Variants in GABBR2 observed in about 807,000 individuals in gnomAD.
GABBR2 encodes the protein G-protein coupled receptor 51.
A neutral mutation model predicts 105.6 loss-of-function variants in GABBR2; 23 were observed. That is an observed-to-expected ratio of 0.22 (90% CI 0.16 to 0.31). The LOEUF is 0.31. Among genes scored for constraint, GABBR2 ranks in the 10% least tolerant of loss-of-function variants. GABBR2 has a pLI of 1.00. For missense variants in GABBR2, 734 were observed against 1,245.5 expected, an observed-to-expected ratio of 0.59 and a Z score of 6.18; for synonymous variants, 478 against 499.7, an observed-to-expected ratio of 0.96 and a Z score of 0.58.
At chr9:98,291,984 C>A (rs894740905) in intron 18 of GABBR2, among the ~76,000 whole-genome samples, 1 of 152,238 alleles carries the variant, frequency 6.6e-6, no homozygotes, top group Non-Finnish European at 1.5e-5. Flanking sequence ...AAGGGAGCTG[C>A]CCTCTGACTC....
intron 1 of GABBR2, among the ~76,000 whole-genome samples, chr9:98,652,190 TC>T (rs1315339109): frequency 2.6e-5 from 4 of 152,184 alleles, no homozygotes; most frequent in Non-Finnish European, 5.9e-5. Flanking sequence ...CTGGCACTGT[TC>T]CTGAGATGAT....
intron 3 of GABBR2, among the ~76,000 whole-genome samples, chr9:98,504,940 C>T (rs905657351): frequency 4.6e-5 from 7 of 152,182 alleles, no homozygotes; most frequent in Non-Finnish European, 7.3e-5. Flanking sequence ...AAAAATTAGC[C>T]TGGAGAGGTG....
intron 7 of GABBR2, among the ~76,000 whole-genome samples, chr9:98,415,782 G>A (rs990148169): frequency 4.6e-5 from 7 of 152,124 alleles, no homozygotes; most frequent in Admixed American, 3.3e-4. Flanking sequence ...CTTTGCCTAG[G>A]GTCACATAAC....
At chr9:98,307,594 G>A (rs1830571486) in intron 14 of GABBR2, among the ~76,000 whole-genome samples, 1 of 152,176 alleles carries the variant, frequency 6.6e-6, no homozygotes, top group South Asian at 2.1e-4. Context: ...GTAGAAGCAG[G>A]GCTGGACACA....
intron 1 of GABBR2, among the ~76,000 whole-genome samples, chr9:98,679,945 C>G (rs1008556174): frequency 6.6e-6 from 1 of 152,248 alleles, no homozygotes; most frequent in Non-Finnish European, 1.5e-5. Flanking sequence ...TAAAAATACA[C>G]AAGTTTACCT....
At chr9:98,482,781 T>G (rs1457649091) in intron 4 of GABBR2, among the ~76,000 whole-genome samples, 3 of 152,106 alleles carry the variant, frequency 2.0e-5, no homozygotes, top group African/African-American at 7.2e-5. Context: ...GCCCAGTGGT[T>G]GTCAATTCAT....
At chr9:98,644,653 C>T (rs923219128) in intron 1 of GABBR2, among the ~76,000 whole-genome samples, 1 of 152,046 alleles carries the variant, frequency 6.6e-6, no homozygotes, top group Non-Finnish European at 1.5e-5. Flanking sequence ...ACCAGCTTGG[C>T]CAACATAGCG....
intron 6 of GABBR2, among the ~76,000 whole-genome samples, chr9:98,463,643 C>T (rs1826471182): frequency 6.6e-6 from 1 of 152,136 alleles, no homozygotes; most frequent in Non-Finnish European, 1.5e-5. Flanking sequence ...CTCTCGCTCT[C>T]CGTCTCCCTC....
intron 1 of GABBR2, among the ~76,000 whole-genome samples, chr9:98,675,670 T>C (rs569178900): frequency 4.8e-4 from 73 of 152,320 alleles, no homozygotes; most frequent in African/African-American, 1.6e-3. Flanking sequence ...GTAACAAGTG[T>C]GGACAGCTAA....
chr9:98,337,454 A>G (rs1831135891), intron 13 of GABBR2, among the ~76,000 whole-genome samples: 1 of 152,194 alleles, frequency 6.6e-6, no homozygotes, highest in Admixed American at 6.5e-5. Flanking sequence ...GAAAATCCCA[A>G]CAGCCTTTTT....
Position 98,415,539 on chromosome 9 carries a change from C to T in GABBR2, c.1237-9398G>A, listed in dbSNP as rs181980095. 6.2e-3 allele frequency among the ~76,000 whole-genome samples: 939 copies of T among 152,258 alleles called. 6 individuals are homozygous for T. The highest frequency in any genetic ancestry group is 7.6e-3 in the Non-Finnish European group (517 of 68,024). On this transcript the variant is annotated intron_variant, in intron 7 of 18. Coordinates refer to ENST00000259455, the MANE Select transcript of GABBR2 (RefSeq NM_005458.8). ...TTCTGGGAAGGGAAGCTGGGGCAAG[C>T]GCCTTTTCATCTCTGTGCTCAGGCT...
chr9:98,477,809 G>A (rs1342967467), intron 5 of GABBR2, among the ~76,000 whole-genome samples: 8 of 152,120 alleles, frequency 5.3e-5, no homozygotes, highest in African/African-American at 1.4e-4. Context: ...ATAAACCCTC[G>A]CATCAGTAAG....
intron 11 of GABBR2, among the ~76,000 whole-genome samples, chr9:98,376,312 T>TCTGACAGA (rs1169517883): frequency 6.6e-6 from 1 of 152,192 alleles, no homozygotes; most frequent in Non-Finnish European, 1.5e-5. Context: ...GCAGGCCTGT[T>TCTGACAGA]CTGACAGATG....
rs148670878 is a variant in GABBR2, at chr9:98,551,570, C to A, written c.460-9527G>T. Among the ~76,000 whole-genome samples, 1,100 of 152,210 alleles carry A rather than the reference C, an allele frequency of 7.2e-3. 8 individuals are homozygous for A. The highest frequency in any genetic ancestry group is 0.041 in the Middle Eastern group (12 of 294). ...GGCTTCCAGGGCCTCTCAAACACAG[C>A]AAGTTTTGGAGGAGACATATTTAAC... On this transcript the variant is annotated intron_variant, in intron 2 of 18. Coordinates refer to ENST00000259455, the MANE Select transcript of GABBR2 (RefSeq NM_005458.8).
intron 1 of GABBR2, among the ~76,000 whole-genome samples, chr9:98,611,081 G>C (rs1829499314): frequency 6.6e-6 from 1 of 152,144 alleles, no homozygotes. Context: ...CCTCTGTCCA[G>C]GGAGGTCATT....
At chr9:98,325,435 G>A (rs1190042166) in intron 13 of GABBR2, among the ~76,000 whole-genome samples, 3 of 151,914 alleles carry the variant, frequency 2.0e-5, no homozygotes, top group Non-Finnish European at 4.4e-5. Flanking sequence ...GAGATTACAC[G>A]TGCATGCCAC....
chr9:98,587,044 AGT>A lies in GABBR2; in HGVS notation c.322-8974_322-8973del, dbSNP rs558351894. On this transcript the variant is annotated intron_variant, in intron 1 of 18. Transcript: ENST00000259455. ...TTGATCCATTTACACTCCCAACAGC[AGT>A]GTTTTAGAGATCTCACTGCTCCATA... Among the ~76,000 whole-genome samples the A allele has an allele frequency of 2.0e-4, 31 of 152,348 alleles. No homozygotes were observed. The South Asian group carries it at 6.4e-3, about 32-fold the overall frequency.
At chr9:98,384,284 G>A (rs1319819837) in intron 11 of GABBR2, among the ~76,000 whole-genome samples, 1 of 152,190 alleles carries the variant, frequency 6.6e-6, no homozygotes, top group African/African-American at 2.4e-5. Flanking sequence ...ATTTTCAACT[G>A]AGAGTTAGTT....
intron 3 of GABBR2, among the ~76,000 whole-genome samples, chr9:98,529,692 C>CTG (rs1215424895): frequency 6.6e-6 from 1 of 152,108 alleles, no homozygotes; most frequent in Non-Finnish European, 1.5e-5. Flanking sequence ...AAGAAAGTAA[C>CTG]TGTAATCTTA....
Sources: gnomAD v4.1 joint callset for allele counts (sites outside exome capture counted in the v4.1 genomes callset) on GRCh38, gnomAD v4.1.1 for gene constraint, MANE v1.5 for transcripts, NCBI Gene and HGNC (gene_info 2026-07-23, HGNC 2026-07-21) for gene names.